Variants in SIPA1L3 observed in about 807,000 individuals in gnomAD.
SIPA1L3 encodes the protein signal-induced proliferation-associated 1-like protein 3.
A neutral mutation model predicts 150.1 loss-of-function variants in SIPA1L3; 59 were observed. The ratio of observed to expected loss-of-function variants is 0.39; its 90% CI spans 0.32 to 0.49. SIPA1L3 has a LOEUF of 0.49. Ranked by LOEUF, SIPA1L3 falls within the 20% of genes least tolerant of loss-of-function variation. The pLI is 0.86. For missense variants in SIPA1L3, 2,211 were observed against 2,489.5 expected (o/e 0.89, Z 2.38); for synonymous variants, 1,070 against 1,077.6 (o/e 0.99, Z 0.14).
chr19:38,106,606 C>G lies in SIPA1L3; in HGVS notation c.2099C>G (p.Thr700Ser), dbSNP rs935384147. The G allele has an allele frequency of 1.9e-6, 3 of 1,613,958 alleles. No individual in the cohort carries two copies. The highest frequency in any genetic ancestry group is 2.5e-6 in the Non-Finnish European group (3 of 1,179,806). ...QDYEIMFHVS[T>S]LLPYTPNNRQ... ...TACGAGATCATGTTCCATGTCTCCA[C>G]CCTGCTCCCTTACACCCCCAACAAC... Residue 700 changes from threonine to serine, a missense_variant, in exon 7 of 22, where the codon ACC (threonine) becomes AGC (serine). Thr to Ser is a moderately conservative substitution (Grantham distance 58). Transcript: ENST00000222345.
intron 19 of SIPA1L3, among the ~76,000 whole-genome samples, chr19:38,199,432 A>AC (rs1973037089): frequency 6.6e-6 from 1 of 152,110 alleles, no homozygotes; most frequent in African/African-American, 2.4e-5. Context: ...AGAGCCCCTT[A>AC]CCCACTCCCA....
chr19:38,201,837 T>TCTCCTC, intron 19 of SIPA1L3, 25 bp from the exon 20 acceptor site: 6 of 1,583,598 alleles, frequency 3.8e-6, no homozygotes, highest in Non-Finnish European at 5.1e-6. Flanking sequence ...TGCTGACCCC[T>TCTCCTC]CTCCTCCTCC....
intron 2 of SIPA1L3, among the ~76,000 whole-genome samples, chr19:38,069,896 G>GA (rs1969678313): frequency 6.8e-6 from 1 of 147,218 alleles, no homozygotes; most frequent in South Asian, 2.1e-4. Context: ...GGCTGGTCTT[G>GA]AACTCCTGAC....
At chr19:37,981,183 A>G (rs749818228) in intron 1 of SIPA1L3, among the ~76,000 whole-genome samples, 7 of 152,118 alleles carry the variant, frequency 4.6e-5, no homozygotes, top group Non-Finnish European at 8.8e-5. Context: ...CTGTAATCCC[A>G]GCATTTTGGG....
chr19:38,119,303 C>A lies in SIPA1L3; in HGVS notation c.2292-3C>A. ...ACCATCTAAATAATCTCTCCCTCCA[C>A]AGTATGGCTGTGACCCGATCCAAAG... On this transcript the variant is annotated splice_region_variant and splice_polypyrimidine_tract_variant and intron_variant, in intron 8 of 21. Coordinates refer to ENST00000222345, the MANE Select transcript of SIPA1L3 (RefSeq NM_015073.3). 1 of 1,611,220 alleles carries A rather than the reference C, an allele frequency of 6.2e-7. No homozygotes were observed. Among genetic ancestry groups the A allele is most frequent in the Non-Finnish European group, 8.5e-7 (1 of 1,178,140 alleles).
chr19:37,973,608 T>TGGTGA (rs59645766), intron 1 of SIPA1L3, among the ~76,000 whole-genome samples: 1 of 137,460 alleles, frequency 7.3e-6, no homozygotes, highest in Non-Finnish European at 1.5e-5. Flanking sequence ...ACTCTGAGAG[T>TGGTGA]GCTGCTCGCA....
intron 1 of SIPA1L3, among the ~76,000 whole-genome samples, chr19:38,008,983 C>G (rs1968034052): frequency 6.6e-6 from 1 of 152,074 alleles, no homozygotes; most frequent in Admixed American, 6.6e-5. Context: ...TGTCTGGGGT[C>G]CATCTCTCCT....
chr19:38,025,909 A>G (rs1314143344), intron 1 of SIPA1L3, among the ~76,000 whole-genome samples: 1 of 152,064 alleles, frequency 6.6e-6, no homozygotes, highest in African/African-American at 2.4e-5. Flanking sequence ...GTTTTTCTGT[A>G]TTTGCTGTTT....
intron 2 of SIPA1L3, among the ~76,000 whole-genome samples, chr19:38,035,275 A>G (rs1366690515): frequency 6.6e-6 from 1 of 152,190 alleles, no homozygotes; most frequent in Non-Finnish European, 1.5e-5. Context: ...TTGGGTCTCC[A>G]TCCATCCTTC....
intron 19 of SIPA1L3, 26 bp from the exon 20 acceptor site, chr19:38,201,836 C>A: frequency 6.3e-7 from 1 of 1,582,832 alleles, no homozygotes; most frequent in East Asian, 2.3e-5. Context: ...TTGCTGACCC[C>A]TCTCCTCCTC....
intron 8 of SIPA1L3, among the ~76,000 whole-genome samples, chr19:38,114,604 G>A (rs1463797855): frequency 3.3e-5 from 5 of 152,152 alleles, no homozygotes; most frequent in Admixed American, 6.5e-5. Flanking sequence ...GGTGTGTGTG[G>A]CATTCTTTGA....
At chr19:38,088,359 C>T (rs146373033) in intron 3 of SIPA1L3, among the ~76,000 whole-genome samples, 4 of 152,352 alleles carry the variant, frequency 2.6e-5, no homozygotes, top group South Asian at 4.1e-4. Flanking sequence ...CGGGATTAAT[C>T]GCAGTGATGC....
At chr19:38,020,391 T>C (rs1230191425) in intron 1 of SIPA1L3, among the ~76,000 whole-genome samples, 2 of 152,198 alleles carry the variant, frequency 1.3e-5, no homozygotes, top group African/African-American at 4.8e-5. Flanking sequence ...TTGACCACTG[T>C]TCTGTCTTCC....
At chr19:38,076,437 C>T (rs1265093079) in intron 2 of SIPA1L3, among the ~76,000 whole-genome samples, 1 of 152,148 alleles carries the variant, frequency 6.6e-6, no homozygotes, top group African/African-American at 2.4e-5. Flanking sequence ...TTCGCGACCA[C>T]CTCCTGTTGC....
chr19:38,205,436 G>A (rs560181829), intron 21 of SIPA1L3, among the ~76,000 whole-genome samples: 2 of 137,300 alleles, frequency 1.5e-5, no homozygotes, highest in Non-Finnish European at 3.1e-5. Flanking sequence ...CAGCTTGGGC[G>A]ACAAGAGCAA....
chr19:38,195,807 C>G (rs982521291), intron 18 of SIPA1L3, among the ~76,000 whole-genome samples: 3 of 133,280 alleles, frequency 2.3e-5, no homozygotes, highest in Admixed American at 7.3e-5. Context: ...CCCCCGCCCC[C>G]CCGGGTTTCT....
chr19:38,096,775 C>G (rs1262855523), intron 4 of SIPA1L3, among the ~76,000 whole-genome samples: 3 of 152,142 alleles, frequency 2.0e-5, no homozygotes, highest in Non-Finnish European at 4.4e-5. Context: ...ATTGGTACAA[C>G]CACTTGGAAA....
chr19:38,033,917 G>A (rs1423842808), intron 2 of SIPA1L3, among the ~76,000 whole-genome samples: 2 of 152,132 alleles, frequency 1.3e-5, no homozygotes, highest in Non-Finnish European at 2.9e-5. Context: ...CATTCGGCCA[G>A]GAATGTCTTC....
At chr19:37,930,350 G>A (rs2046543065) in intron 1 of SIPA1L3, among the ~76,000 whole-genome samples, 1 of 150,836 alleles carries the variant, frequency 6.6e-6, no homozygotes, top group South Asian at 2.1e-4. Flanking sequence ...TAGAGACGAG[G>A]TCTCACTTTG....
Sources: gnomAD v4.1 joint callset for allele counts (sites outside exome capture counted in the v4.1 genomes callset) on GRCh38, gnomAD v4.1.1 for gene constraint, MANE v1.5 for transcripts, NCBI Gene and HGNC (gene_info 2026-07-23, HGNC 2026-07-21) for gene names.